ANXA11: variants seen among roughly 807,000 people sequenced by gnomAD.
ANXA11 encodes 56 kDa autoantigen.
In ANXA11, 57 loss-of-function variants were observed where a neutral mutation model predicts 64.7. The ratio of observed to expected loss-of-function variants is 0.88; its 90% confidence interval spans 0.71 to 1.10. The LOEUF (loss-of-function observed/expected upper bound fraction) is 1.10. Ranked by LOEUF, ANXA11 falls within the 50% of genes least tolerant of loss-of-function variation. The pLI is 0.00. For synonymous variants in ANXA11, 260 were observed against 265.2 expected (o/e 0.98, Z 0.19); for missense variants, 675 against 670.7 (o/e 1.01, Z -0.07).
intron 12 of ANXA11, among the ~76,000 whole-genome samples, chr10:80,161,354 C>T (rs1463191458): frequency 2.0e-5 from 3 of 152,240 alleles, no homozygotes; most frequent in East Asian, 1.9e-4. Context: ...AAGCACCTCC[C>T]GGTGGACCCT....
intron 2 of ANXA11, 123 bp from the exon 3 acceptor site, chr10:80,172,992 T>C: frequency 3.8e-6 from 3 of 793,480 alleles, no homozygotes; most frequent in Non-Finnish European, 6.3e-6. Flanking sequence ...AACTGCTGCA[T>C]CTGCCCTGCT....
intron 12 of ANXA11, among the ~76,000 whole-genome samples, chr10:80,160,071 A>G (rs1845446902): frequency 6.6e-6 from 1 of 152,192 alleles, no homozygotes; most frequent in East Asian, 1.9e-4. Flanking sequence ...CTGACCCAGG[A>G]CATAAAACTC....
intron 13 of ANXA11, 129 bp from the exon 14 acceptor site, chr10:80,158,154 C>T: frequency 1.2e-6 from 1 of 819,252 alleles, no homozygotes; most frequent in Non-Finnish European, 2.0e-6. Context: ...TTTTCTCCTC[C>T]TCCTTCTGTT....
chr10:80,169,228 G>A lies in ANXA11; in HGVS notation c.302C>T (p.Pro101Leu), dbSNP rs771519927. The A allele has an allele frequency of 1.1e-5, 17 of 1,612,000 alleles. No individual in the cohort carries two copies. Among genetic ancestry groups the A allele is most frequent in the Non-Finnish European group, 7.6e-6 (9 of 1,179,512 alleles). Residue 101 changes from proline (P) to leucine (L), a missense_variant, in exon 5 of 16, where the codon CCT becomes CTT. Physicochemically the swap from Pro to Leu is moderately conservative, Grantham distance 98 (BLOSUM62 -3). Coordinates refer to ENST00000422982, the MANE Select transcript of ANXA11 (RefSeq NM_145868.2). Reference protein sequence around the residue: ...GQPPSAQQPVPPYGMYPPPGG... With the variant: ...GQPPSAQQPVLPYGMYPPPGG... The stretch of plus-strand genomic sequence containing the variant: ...TGGGGGTGGATACATCCCATAGGGA[G>A]GAACAGGCTGCTGGGCAGAGGGGGG...
At chr10:80,165,168 A>T (rs1314333529) in intron 8 of ANXA11, among the ~76,000 whole-genome samples, 1 of 152,204 alleles carries the variant, frequency 6.6e-6, no homozygotes, top group Non-Finnish European at 1.5e-5. Context: ...CCTCCCTAGA[A>T]TAACACATGT....
chr10:80,203,256 C>A (rs913940266), intron 1 of ANXA11, among the ~76,000 whole-genome samples: 1 of 152,108 alleles, frequency 6.6e-6, no homozygotes, highest in Non-Finnish European at 1.5e-5. Context: ...TCAACTCCCA[C>A]TCCTGTCATC....
chr10:80,200,101 C>T (rs987859773), intron 1 of ANXA11, among the ~76,000 whole-genome samples: 1 of 152,146 alleles, frequency 6.6e-6, no homozygotes, highest in African/African-American at 2.4e-5. Flanking sequence ...TCCCAGGCAA[C>T]GTCCCAGGAG....
chr10:80,194,947 G>C (rs964916095), intron 1 of ANXA11, among the ~76,000 whole-genome samples: 1 of 152,214 alleles, frequency 6.6e-6, no homozygotes, highest in African/African-American at 2.4e-5. Flanking sequence ...GATCACAGGA[G>C]TAGAGGTTTA....
Position 80,157,992 on chromosome 10 carries a change from G to A in ANXA11, c.1310C>T (p.Ala437Val), listed in dbSNP as rs376025310. The change falls in exon 14 of 16, where the codon GCG becomes GTG. Residue 437 changes from alanine to valine, a missense_variant. Transcript: ENST00000422982. ...CCTCATGGCCTTGTTGAGCCTCTCC[G>A]CAAAGAAGGCTGGGGTATTCTTGAG... ...KCLKNTPAFF[A>V]ERLNKAMRGA... The A allele has an allele frequency of 1.2e-5, 19 of 1,613,934 alleles. No individual in the cohort carries two copies. Among genetic ancestry groups the A allele is most frequent in the Admixed American group, 1.2e-4 (7 of 59,986 alleles).
rs1845186046 is a variant in ANXA11 at position 80,153,171 on chromosome 10, G to C, written c.*2682C>G. The C allele has an allele frequency of 5.3e-5, 8 of 152,154 alleles. No homozygotes were observed. Among genetic ancestry groups the C allele is most frequent in the Admixed American group, 5.2e-4 (8 of 15,276 alleles). The allele number at this position is 152,154 out of a possible 1,614,324, so 9.4% of individuals were successfully genotyped here. On this transcript the variant is annotated 3_prime_UTR_variant, in exon 16 of 16. Transcript: ENST00000422982. ...ACCAGGGTCTCAAACCCAAAGGCCT[G>C]CAGGAGCCAAATGGGTGACATGGGC...
chr10:80,166,978 T>A lies in ANXA11; in HGVS notation c.656A>T (p.Asp219Val). Residue 219 changes from aspartate (D) to valine (V), a missense_variant, in exon 7 of 16, where the codon GAT (aspartate) becomes GTT (valine). Transcript: ENST00000422982. Reference sequence around the variant, plus strand: ...CAGGCAGTCAATGATGGCCTGCTCATCCGTCCCTGGAGGAAGAGGCAGCAG... The same window carrying A: ...CAGGCAGTCAATGATGGCCTGCTCAACCGTCCCTGGAGGAAGAGGCAGCAG... ...LRKAMKGFGTDEQAIIDCLGS... is the reference protein window; with the variant it reads ...LRKAMKGFGTVEQAIIDCLGS... The A allele has an allele frequency of 6.3e-7, 1 of 1,596,954 alleles. No individual in the cohort carries two copies. Among genetic ancestry groups the A allele is most frequent in the Non-Finnish European group, 8.5e-7 (1 of 1,171,586 alleles).
intron 1 of ANXA11, among the ~76,000 whole-genome samples, chr10:80,189,839 C>G (rs1307975816): frequency 6.6e-6 from 1 of 152,170 alleles, no homozygotes; most frequent in Non-Finnish European, 1.5e-5. Flanking sequence ...GCCTCATTCA[C>G]AGTAGTCAAA....
chr10:80,168,725 T>A (rs377126062), intron 5 of ANXA11, among the ~76,000 whole-genome samples: 1 of 152,014 alleles, frequency 6.6e-6, no homozygotes, highest in East Asian at 1.9e-4. Flanking sequence ...TTAGTAGAGA[T>A]AGGGTTTCAC....
At chr10:80,196,413 C>T (rs981961902) in intron 1 of ANXA11, among the ~76,000 whole-genome samples, 4 of 152,164 alleles carry the variant, frequency 2.6e-5, no homozygotes, top group East Asian at 3.9e-4. Flanking sequence ...GCAGGAACCC[C>T]GGTGGACTCT....
chr10:80,187,932 G>A (rs1846609881), intron 1 of ANXA11, among the ~76,000 whole-genome samples: 1 of 152,112 alleles, frequency 6.6e-6, no homozygotes, highest in Non-Finnish European at 1.5e-5. Flanking sequence ...AAGTCCTGTG[G>A]TAGTTACTAT....
intron 1 of ANXA11, among the ~76,000 whole-genome samples, chr10:80,187,471 G>A (rs1319578686): frequency 6.6e-6 from 1 of 152,126 alleles, no homozygotes; most frequent in African/African-American, 2.4e-5. Context: ...AAGCCACCCG[G>A]TCTATGATAT....
intron 1 of ANXA11, among the ~76,000 whole-genome samples, chr10:80,200,807 G>A (rs1216935492): frequency 3.3e-5 from 5 of 152,124 alleles, no homozygotes; most frequent in Non-Finnish European, 5.9e-5. Context: ...GAGGCGGGGC[G>A]GGGGGATTGC....
At chr10:80,169,453 G>C in intron 4 of ANXA11, 95 bp from the exon 5 acceptor site, 1 of 1,394,704 alleles carries the variant, frequency 7.2e-7, no homozygotes, top group Non-Finnish European at 9.9e-7. Flanking sequence ...AGTCCTCACA[G>C]CATCTCCGCT....
At position 80,168,975 on chromosome 10, in the gene ANXA11, TG is replaced by T; in HGVS notation, c.554del (p.Pro185GlnfsTer29). ...GSGTVTPAVP[P>X]TQFGSRGTIT... is the part of the protein sequence containing the mutation. Reference sequence around the variant, plus strand: ...GCAGTGGGCTGACACTCACCTGGGTTGGGGGCACAGCGGGGGTGACAGTCCC... The same window carrying T: ...GCAGTGGGCTGACACTCACCTGGGTTGGGGCACAGCGGGGGTGACAGTCCC... On this transcript the variant is annotated frameshift_variant, in exon 5 of 16. Transcript: ENST00000422982. LOFTEE classifies it high-confidence loss of function. 1 of 1,532,282 alleles carries T rather than the reference TG, an allele frequency of 6.5e-7. No homozygotes were observed. The highest frequency in any genetic ancestry group is 8.7e-7 in the Non-Finnish European group (1 of 1,145,548). 94.9% of individuals were successfully genotyped at this position (1,532,282 alleles called of 1,614,324 possible).
Sources: allele counts gnomAD v4.1 joint callset (sites outside exome capture counted in the v4.1 genomes callset), GRCh38; gene constraint gnomAD v4.1.1; transcripts MANE v1.5; gene names NCBI Gene and HGNC (gene_info 2026-07-23, HGNC 2026-07-21).